Variants in RARB observed in about 807,000 individuals in gnomAD.
RARB encodes the protein HBV-activated protein.
In RARB, 17 loss-of-function variants were observed where a neutral mutation model predicts 51.9. That is an observed-to-expected ratio of 0.33 (90% CI 0.22 to 0.49). RARB has a LOEUF of 0.49. Among genes scored for constraint, RARB ranks in the 20% least tolerant of loss-of-function variants. The probability of loss-of-function intolerance (pLI) is 0.99; values close to 1 mark genes in which losing one functional copy is unlikely to be tolerated. For missense variants in RARB, 369 were observed against 550.8 expected, an observed-to-expected ratio of 0.67 and a Z score of 3.30; for synonymous variants, 215 against 195.4, an observed-to-expected ratio of 1.10 and a Z score of -0.84.
intron 5 of RARB, among the ~76,000 whole-genome samples, chr3:25,277,281 T>C (rs1273682606): frequency 1.3e-5 from 2 of 152,176 alleles, no homozygotes; most frequent in Admixed American, 6.5e-5. Context: ...TGAAGCCACC[T>C]AGCAGCGTAG....
intron 2 of RARB, among the ~76,000 whole-genome samples, chr3:25,463,328 C>T (rs1006206619): frequency 6.6e-6 from 1 of 152,120 alleles, no homozygotes; most frequent in East Asian, 1.9e-4. Flanking sequence ...CTCCACTGCC[C>T]AGCATGTCAT....
intron 5 of RARB, among the ~76,000 whole-genome samples, chr3:25,356,439 T>C (rs1412664912): frequency 3.3e-5 from 5 of 152,216 alleles, no homozygotes. Flanking sequence ...AAATTCTGCT[T>C]GATAATTTCA....
chr3:24,979,851 G>T (rs1183426198), intron 2 of RARB, among the ~76,000 whole-genome samples: 1 of 152,148 alleles, frequency 6.6e-6, no homozygotes, highest in Non-Finnish European at 1.5e-5. Flanking sequence ...GTTAATTGAT[G>T]CAGTTTCTTC....
At chr3:25,139,925 C>A (rs1018521096) in intron 4 of RARB, among the ~76,000 whole-genome samples, 9 of 152,150 alleles carry the variant, frequency 5.9e-5, no homozygotes, top group African/African-American at 2.2e-4. Flanking sequence ...ATAAGTGGAA[C>A]AACAAAGTGT....
intron 2 of RARB, among the ~76,000 whole-genome samples, chr3:24,934,477 A>C (rs1005691882): frequency 5.3e-5 from 8 of 152,132 alleles, no homozygotes; most frequent in African/African-American, 1.9e-4. Flanking sequence ...CACACTATGA[A>C]ATTTCTTTTA....
At chr3:25,205,993 C>T (rs755557824) in intron 5 of RARB, among the ~76,000 whole-genome samples, 52 of 152,108 alleles carry the variant, frequency 3.4e-4, no homozygotes, top group Non-Finnish European at 6.0e-4. Context: ...CTAAGTGTTC[C>T]AAGCATGTTT....
rs917358801 is a variant in RARB at position 25,480,452 on chromosome 3, A to G, written c.306+19111A>G. On this transcript the variant is annotated intron_variant, in intron 2 of 7. Coordinates refer to ENST00000330688, the MANE Select transcript of RARB (RefSeq NM_000965.5). ...TCTCTTTCCCTTTCCCTTTAGGAACATGATTTTCTGCCTATGTCATGGGCC... is the reference window on the plus strand; with the variant it reads ...TCTCTTTCCCTTTCCCTTTAGGAACGTGATTTTCTGCCTATGTCATGGGCC... Among the ~76,000 whole-genome samples, 6 of 152,290 alleles carry G rather than the reference A, an allele frequency of 3.9e-5. No homozygotes were observed. In the South Asian group the frequency reaches 1.2e-3, roughly 32 times the overall value.
chr3:25,145,793 C>T (rs1349040536), intron 4 of RARB, among the ~76,000 whole-genome samples: 15 of 152,008 alleles, frequency 9.9e-5, no homozygotes, highest in South Asian at 2.1e-4. Flanking sequence ...GTCAGGAGTT[C>T]GAGACCAGCC....
chr3:25,395,953 C>T (rs1707102530), intron 5 of RARB, among the ~76,000 whole-genome samples: 1 of 151,996 alleles, frequency 6.6e-6, no homozygotes, highest in Non-Finnish European at 1.5e-5. Flanking sequence ...ATATCACCAG[C>T]ATCTTTTTTC....
intron 3 of RARB, among the ~76,000 whole-genome samples, chr3:25,065,174 TA>T (rs1199437647): frequency 1.3e-5 from 2 of 152,234 alleles, no homozygotes; most frequent in East Asian, 3.9e-4. Flanking sequence ...GTGAGATTTT[TA>T]AAAAATTGTT....
At chr3:25,404,889 C>CT (rs1183628097) in intron 5 of RARB, among the ~76,000 whole-genome samples, 3 of 152,206 alleles carry the variant, frequency 2.0e-5, no homozygotes, top group East Asian at 3.9e-4. Context: ...TTACTCGCTA[C>CT]TTTTTTTTCA....
At chr3:24,932,171 G>A (rs763549133) in intron 2 of RARB, among the ~76,000 whole-genome samples, 15 of 152,096 alleles carry the variant, frequency 9.9e-5, no homozygotes, top group African/African-American at 3.1e-4. Flanking sequence ...TTCAAAGTTC[G>A]TCGGCCCTTT....
At chr3:25,354,913 AG>A (rs1705686820) in intron 5 of RARB, among the ~76,000 whole-genome samples, 1 of 151,134 alleles carries the variant, frequency 6.6e-6, no homozygotes, top group Non-Finnish European at 1.5e-5. Flanking sequence ...TTTTCCATCC[AG>A]CATAGCATAA....
At chr3:25,405,290 A>C (rs1707376196) in intron 5 of RARB, among the ~76,000 whole-genome samples, 1 of 152,160 alleles carries the variant, frequency 6.6e-6, no homozygotes, top group African/African-American at 2.4e-5. Flanking sequence ...AGGCTGTGGA[A>C]GGAGGATTGC....
intron 2 of RARB, among the ~76,000 whole-genome samples, chr3:24,880,403 AGAT>A (rs746079301): frequency 2.0e-5 from 3 of 152,182 alleles, no homozygotes; most frequent in Non-Finnish European, 2.9e-5. Flanking sequence ...AGATAAAAGA[AGAT>A]AAAGCCTCCA....
At chr3:25,163,502 AAAATATATAT>A (rs1233673811) in intron 4 of RARB, among the ~76,000 whole-genome samples, 2 of 54,004 alleles carry the variant, frequency 3.7e-5, no homozygotes, top group African/African-American at 1.9e-4. Context: ...ACCCTATCTC[AAAATATATAT>A]ATATATATAT....
rs73045798 is a variant in RARB at position 25,106,363 on chromosome 3, C to T, written c.-327-25798C>T. Among the ~76,000 whole-genome samples the T allele has an allele frequency of 4.8e-3, 699 of 146,910 alleles. 4 individuals are homozygous for T. The highest frequency in any genetic ancestry group is 0.014 in the Middle Eastern group (4 of 278). The stretch of plus-strand genomic sequence containing the variant: ...CAATTGCAGCTCACTGCAGCCTTGA[C>T]CCCTCAGATTCAGGTGATCCTCCTG... On this transcript the variant is annotated intron_variant, in intron 3 of 11. Transcript: ENST00000383772.
intron 2 of RARB, among the ~76,000 whole-genome samples, chr3:25,030,055 T>C (rs964582237): frequency 3.9e-5 from 6 of 152,208 alleles, no homozygotes; most frequent in Non-Finnish European, 2.9e-5. Context: ...TCTCATGCCA[T>C]CAAATTGAGC....
chr3:24,908,663 GTT>G (rs59008287), intron 2 of RARB, among the ~76,000 whole-genome samples: 18,157 of 93,044 alleles, frequency 0.2, 1,418 homozygotes, highest in South Asian at 0.39. Context: ...AACCACAACT[GTT>G]TTTTTTTTTT....
Sources: allele counts gnomAD v4.1 joint callset (sites outside exome capture counted in the v4.1 genomes callset), GRCh38; gene constraint gnomAD v4.1.1; transcripts MANE v1.5; gene names NCBI Gene and HGNC (gene_info 2026-07-23, HGNC 2026-07-21).